The following SFXN5 variants were observed in gnomAD, a reference collection of about 807,000 sequenced individuals.
SFXN5 encodes the protein sideroflexin 5.
Under a neutral mutation model 50.2 loss-of-function variants are expected in SFXN5, and 43 were observed. That is an observed-to-expected ratio of 0.86 (90% CI 0.67 to 1.11). The LOEUF (loss-of-function observed/expected upper bound fraction) is 1.11, where lower values mean the gene tolerates loss of function less well. Ranked by LOEUF, SFXN5 falls within the 50% of genes least tolerant of loss-of-function variation. The pLI is 0.00. For synonymous variants in SFXN5, 203 were observed against 185.8 expected, an observed-to-expected ratio of 1.09 and a Z score of -0.75; for missense variants, 463 against 454.1, an observed-to-expected ratio of 1.02 and a Z score of -0.18.
intron 2 of SFXN5, among the ~76,000 whole-genome samples, chr2:73,045,336 C>A (rs1431808454): frequency 1.3e-5 from 2 of 151,222 alleles, no homozygotes; most frequent in Admixed American, 6.6e-5. Flanking sequence ...TGCCCAAAGC[C>A]CCCCCAGAAC....
At chr2:73,049,702 A>T (rs1000942276) in intron 2 of SFXN5, 1 of 152,200 alleles carries the variant, frequency 6.6e-6, no homozygotes, top group Non-Finnish European at 1.5e-5. Flanking sequence ...TTTCAGCCAT[A>T]GCATCTCACC....
At chr2:73,013,462 T>C (rs1245683420) in intron 6 of SFXN5, among the ~76,000 whole-genome samples, 1 of 148,810 alleles carries the variant, frequency 6.7e-6, no homozygotes, top group Non-Finnish European at 1.5e-5. Context: ...ATAGAGATGA[T>C]ATCAAGAAGA....
At chr2:73,068,611 G>A (rs1683342590) in intron 1 of SFXN5, among the ~76,000 whole-genome samples, 1 of 152,074 alleles carries the variant, frequency 6.6e-6, no homozygotes, top group Admixed American at 6.5e-5. Context: ...CTACTGAATT[G>A]TCTCCAGGAT....
Position 72,950,597 on chromosome 2 carries a change from C to A in SFXN5, c.946-5498G>T, listed in dbSNP as rs149981277. On this transcript the variant is annotated intron_variant, in intron 13 of 13. Coordinates refer to ENST00000272433, the MANE Select transcript of SFXN5 (RefSeq NM_144579.3). This position sits in a 1 kb window ranked among gnomAD's most constrained non-coding sequence, Gnocchi z 4.2. ...TCACCTATATGTGATGTTTCCTCCC[C>A]TGTCCACCAAAAACTAAGCATCTCC... Among the ~76,000 whole-genome samples, 371 of 152,336 alleles carry A rather than the reference C, an allele frequency of 2.4e-3. 2 individuals carry two copies. Among genetic ancestry groups the A allele is most frequent in the African/African-American group, 7.6e-3 (314 of 41,578 alleles).
intron 3 of SFXN5, among the ~76,000 whole-genome samples, chr2:73,026,715 TTTTA>T (rs1341144938): frequency 1.3e-5 from 2 of 151,872 alleles, no homozygotes; most frequent in Non-Finnish European, 2.9e-5. Context: ...TATTATTTTA[TTTTA>T]TTTATTTATT....
intron 2 of SFXN5, chr2:73,049,937 C>T (rs975067350): frequency 9.6e-5 from 12 of 125,508 alleles, no homozygotes; most frequent in African/African-American, 3.8e-4. Flanking sequence ...GGGACAGGCA[C>T]AAGACGAATA....
Position 73,066,296 on chromosome 2 carries a change from G to A in SFXN5, c.102+5308C>T, listed in dbSNP as rs186607304. On this transcript the variant is annotated intron_variant, in intron 1 of 13. Transcript: ENST00000272433. Reference sequence around the variant, plus strand: ...AAAGAGGCCGGGTGTGGTAGCTCACGCCTGTAACCCCAGCACTTTGGGAGG... The same window carrying A: ...AAAGAGGCCGGGTGTGGTAGCTCACACCTGTAACCCCAGCACTTTGGGAGG... 2.8e-3 allele frequency among the ~76,000 whole-genome samples: 423 copies of A among 152,276 alleles called. 1 individual carries two copies. The highest frequency in any genetic ancestry group is 4.9e-3 in the Non-Finnish European group (332 of 68,022).
intron 9 of SFXN5, among the ~76,000 whole-genome samples, 174 bp from the exon 10 acceptor site, chr2:72,988,522 G>A (rs571817602): frequency 3.6e-4 from 54 of 152,062 alleles, no homozygotes; most frequent in Middle Eastern, 6.8e-3. Flanking sequence ...CTCCAGCGTC[G>A]CTGCTTAAAG....
At chr2:72,963,906 G>C (rs1674060761) in intron 12 of SFXN5, among the ~76,000 whole-genome samples, 1 of 152,338 alleles carries the variant, frequency 6.6e-6, no homozygotes, top group African/African-American at 2.4e-5. Context: ...GGGAGCTGGA[G>C]GGTGGTGGAG....
intron 12 of SFXN5, among the ~76,000 whole-genome samples, chr2:72,967,527 T>C (rs982883792): frequency 6.6e-6 from 1 of 152,114 alleles, no homozygotes; most frequent in South Asian, 2.1e-4. Flanking sequence ...AAGTGCTTAA[T>C]AAATGTCGCT....
intron 13 of SFXN5, among the ~76,000 whole-genome samples, chr2:72,956,151 G>A (rs1673063684): frequency 6.6e-6 from 1 of 152,228 alleles, no homozygotes; most frequent in African/African-American, 2.4e-5. Flanking sequence ...ACAGGCTGGT[G>A]GGGCAGGCCT....
At chr2:73,047,096 G>C (rs1043356984) in intron 2 of SFXN5, among the ~76,000 whole-genome samples, 5 of 148,444 alleles carry the variant, frequency 3.4e-5, no homozygotes, top group African/African-American at 1.2e-4. Context: ...GTGGTGGCAG[G>C]CACCTGTAAT....
chr2:72,964,756 C>T (rs1674170543), intron 12 of SFXN5, among the ~76,000 whole-genome samples: 1 of 152,220 alleles, frequency 6.6e-6, no homozygotes, highest in Admixed American at 6.5e-5. Context: ...AGGGAAGGAC[C>T]AGTGAAACAT....
intron 6 of SFXN5, among the ~76,000 whole-genome samples, chr2:73,016,844 G>A (rs901221503): frequency 2.0e-5 from 3 of 152,270 alleles, no homozygotes; most frequent in South Asian, 2.1e-4. Flanking sequence ...TGAACATATC[G>A]TAAGTTGAAA....
Position 72,992,470 on chromosome 2 carries a change from T to C in SFXN5, c.535-4122A>G, listed in dbSNP as rs1176560355. Among the ~76,000 whole-genome samples the C allele has an allele frequency of 1.3e-5, 2 of 152,130 alleles. No individual in the cohort carries two copies. Among genetic ancestry groups the C allele is most frequent in the Admixed American group, 6.5e-5 (1 of 15,282 alleles). On this transcript the variant is annotated intron_variant, in intron 9 of 13. Transcript: ENST00000272433. The surrounding 1 kb of genome is among the most constrained non-coding windows in gnomAD (Gnocchi z 4.5). ...ATCCATTGCCTGGAGGATGCCTCTGTGTCCAAGGGCTCTAGGCACTCCAGC... is the reference window on the plus strand; with the variant it reads ...ATCCATTGCCTGGAGGATGCCTCTGCGTCCAAGGGCTCTAGGCACTCCAGC...
chr2:72,957,047 T>C (rs1448798162), intron 13 of SFXN5: 2 of 456,674 alleles, frequency 4.4e-6, no homozygotes, highest in Non-Finnish European at 8.8e-6. Context: ...TTACTCCATC[T>C]GGGTTCTCCC....
chr2:72,953,410 C>T lies in SFXN5; in HGVS notation c.945+7721G>A, dbSNP rs1006986833. Among the ~76,000 whole-genome samples the T allele has an allele frequency of 6.6e-5, 10 of 152,106 alleles. No homozygotes were observed. The highest frequency in any genetic ancestry group is 1.9e-4 in the African/African-American group (8 of 41,418). ...GGAAGGAGGCCCCTGCTCTGGGAGA[C>T]GCTGAATGCTGCTGTAGACTCAGGA... is the stretch of plus-strand genomic sequence containing the variant. On this transcript the variant is annotated intron_variant, in intron 13 of 13. Transcript: ENST00000272433. This position sits in a 1 kb window ranked among gnomAD's most constrained non-coding sequence, Gnocchi z 4.1.
At position 72,961,001 on chromosome 2, in the gene SFXN5, A is replaced by G. The variant is rs989256471; in HGVS notation, c.945+130T>C. On this transcript the variant is annotated intron_variant, in intron 13 of 13. Coordinates refer to ENST00000272433, the MANE Select transcript of SFXN5 (RefSeq NM_144579.3). The surrounding 1 kb of genome is among the most constrained non-coding windows in gnomAD (Gnocchi z 4.4). ...CACTCTGAGGGCCAGAGCCTGGGCC[A>G]GCCTCATTCACGGTTCCAGCCCCAG... 1.7e-6 allele frequency: 1 copy of G among 577,130 alleles called. No individual in the cohort carries two copies. Among genetic ancestry groups the G allele is most frequent in the South Asian group, 3.2e-5 (1 of 30,774 alleles). The allele number at this position is 577,130 out of a possible 1,614,324, so 35.8% of individuals were successfully genotyped here.
intron 13 of SFXN5, among the ~76,000 whole-genome samples, chr2:72,958,531 G>A (rs189791364): frequency 6.6e-6 from 1 of 152,152 alleles, no homozygotes; most frequent in South Asian, 2.1e-4. Context: ...CCTTCTCTGT[G>A]CAGGCAGGTG....
Sources: allele counts gnomAD v4.1 joint callset (sites outside exome capture counted in the v4.1 genomes callset), GRCh38; gene constraint gnomAD v4.1.1; non-coding constraint Gnocchi (gnomAD v3.1); transcripts MANE v1.5; gene names NCBI Gene and HGNC (gene_info 2026-07-23, HGNC 2026-07-21).